The following REDIC1 variants were observed in gnomAD, a reference collection of about 807,000 sequenced individuals.
REDIC1 encodes the protein HEI10 Interacting Protein 1.
the REDIC1 span, chr12:39,764,709 G>C: frequency 1.7e-3 from 2,696 of 1,604,740 alleles, 3 homozygotes; most frequent in Middle Eastern, 5.8e-3. Context: ...TTCAATTAAT[G>C]CAACAGTATA....
the REDIC1 span, among the ~76,000 whole-genome samples, chr12:39,866,110 G>A: frequency 6.6e-6 from 1 of 152,204 alleles, no homozygotes; most frequent in Non-Finnish European, 1.5e-5. Flanking sequence ...GAATTTAGGA[G>A]GGCAGTTTAG....
At chr12:39,642,561 T>A in the REDIC1 span, among the ~76,000 whole-genome samples, 1 of 151,744 alleles carries the variant, frequency 6.6e-6, no homozygotes, top group Non-Finnish European at 1.5e-5. Context: ...CATCACAAAG[T>A]ACAGTGCCTT....
the REDIC1 span, among the ~76,000 whole-genome samples, chr12:39,863,793 A>G: frequency 1.3e-5 from 2 of 152,172 alleles, no homozygotes; most frequent in Admixed American, 6.5e-5. Flanking sequence ...TGGAACCAAT[A>G]TATCTTCCTC....
chr12:39,711,136 A>G, the REDIC1 span, among the ~76,000 whole-genome samples: 1 of 151,508 alleles, frequency 6.6e-6, no homozygotes, highest in African/African-American at 2.4e-5. Flanking sequence ...CAGTGAGAAC[A>G]TACGGTTTGG....
the REDIC1 span, among the ~76,000 whole-genome samples, chr12:39,665,680 C>T: frequency 5.3e-5 from 8 of 150,234 alleles, no homozygotes; most frequent in Non-Finnish European, 8.9e-5. Context: ...GCCATTTTCA[C>T]GATATTGATT....
chr12:39,683,032 A>G, the REDIC1 span: 1 of 1,613,398 alleles, frequency 6.2e-7, no homozygotes, highest in Non-Finnish European at 8.5e-7. Context: ...TTATCCAGAA[A>G]AATGTCAGCC....
the REDIC1 span, chr12:39,760,114 T>C: frequency 1.2e-6 from 2 of 1,612,996 alleles, no homozygotes; most frequent in Non-Finnish European, 1.7e-6. Context: ...TTCATCAGAA[T>C]CTGAAGTGCC....
At chr12:39,849,194 A>G in the REDIC1 span, among the ~76,000 whole-genome samples, 1 of 152,278 alleles carries the variant, frequency 6.6e-6, no homozygotes, top group South Asian at 2.1e-4. Flanking sequence ...AAAAAATTCA[A>G]AAAAAGAAAA....
At chr12:39,857,345 A>G in the REDIC1 span, among the ~76,000 whole-genome samples, 1 of 152,198 alleles carries the variant, frequency 6.6e-6, no homozygotes, top group Admixed American at 6.5e-5. Flanking sequence ...GCCTAAAATT[A>G]TGTTGCTAAG....
chr12:39,900,594 T>A, the REDIC1 span, among the ~76,000 whole-genome samples: 1 of 152,044 alleles, frequency 6.6e-6, no homozygotes, highest in Non-Finnish European at 1.5e-5. Flanking sequence ...CACAATTGCT[T>A]CAAAGAGAAT....
chr12:39,871,216 C>T, the REDIC1 span, among the ~76,000 whole-genome samples: 4 of 151,972 alleles, frequency 2.6e-5, no homozygotes, highest in Admixed American at 1.3e-4. Context: ...ACAAAAGATA[C>T]TTGGGAATTA....
At chr12:39,653,549 TTC>T in the REDIC1 span, among the ~76,000 whole-genome samples, 1 of 139,732 alleles carries the variant, frequency 7.2e-6, no homozygotes, top group Non-Finnish European at 1.6e-5. Context: ...TTTCTTCTTC[TTC>T]TTCTTCTTTC....
the REDIC1 span, among the ~76,000 whole-genome samples, chr12:39,695,395 A>G: frequency 6.6e-6 from 1 of 152,066 alleles, no homozygotes; most frequent in African/African-American, 2.4e-5. Context: ...CTCGCAGCCT[A>G]GGCATCATTC....
At chr12:39,626,511 A>G in the REDIC1 span, 1 of 952,002 alleles carries the variant, frequency 1.1e-6, no homozygotes, top group Non-Finnish European at 1.6e-6. Flanking sequence ...AGACTCTAGA[A>G]CCATATCTCT....
At chr12:39,711,423 A>T in the REDIC1 span, among the ~76,000 whole-genome samples, 2 of 122,494 alleles carry the variant, frequency 1.6e-5, no homozygotes, top group Non-Finnish European at 3.6e-5. Flanking sequence ...ATATGTACTT[A>T]TGTGTATATG....
the REDIC1 span, among the ~76,000 whole-genome samples, chr12:39,699,428 C>T: frequency 1.1e-4 from 16 of 152,306 alleles, no homozygotes; most frequent in South Asian, 8.3e-4. Context: ...GATTATATCC[C>T]GCACATGGCT....
chr12:39,785,869 C>T, the REDIC1 span, among the ~76,000 whole-genome samples: 1 of 152,150 alleles, frequency 6.6e-6, no homozygotes, highest in African/African-American at 2.4e-5. Flanking sequence ...CCTATAACCA[C>T]TTTGTTTTGG....
At chr12:39,647,728 G>C in the REDIC1 span, 6 of 1,172,420 alleles carry the variant, frequency 5.1e-6, no homozygotes, top group Non-Finnish European at 6.9e-6. Flanking sequence ...TCACTATTTT[G>C]ACTTTCCTCT....
chr12:39,713,518 GCATA>G, the REDIC1 span, among the ~76,000 whole-genome samples: 2 of 149,056 alleles, frequency 1.3e-5, no homozygotes, highest in African/African-American at 4.9e-5. Context: ...ATACATGCGT[GCATA>G]CATGTGTACA....
Sources: allele counts gnomAD v4.1 joint callset (sites outside exome capture counted in the v4.1 genomes callset), GRCh38; gene constraint gnomAD v4.1.1; transcripts MANE v1.5; gene names NCBI Gene and HGNC (gene_info 2026-07-23, HGNC 2026-07-21).